The following KIRREL3 variants were observed in gnomAD, a reference collection of about 807,000 sequenced individuals.
The protein encoded by KIRREL3 is kin of IRRE-like protein 3.
A neutral mutation model predicts 89.7 loss-of-function variants in KIRREL3; 36 were observed. The ratio of observed to expected loss-of-function variants is 0.40; its 90% CI spans 0.31 to 0.53. The LOEUF is 0.53. KIRREL3 is among the 20% of genes least tolerant of loss of function. The probability of loss-of-function intolerance (pLI) is 0.49; values close to 1 mark genes in which losing one functional copy is unlikely to be tolerated. For synonymous variants in KIRREL3, 445 were observed against 441.4 expected (o/e 1.01, Z -0.10); for missense variants, 864 against 1,056.6 (o/e 0.82, Z 2.53).
Position 126,530,143 on chromosome 11 carries a change from T to A in KIRREL3, c.134-3456A>T, listed in dbSNP as rs1958898208. 6.6e-6 allele frequency among the ~76,000 whole-genome samples: 1 copy of A among 152,146 alleles called. No individual in the cohort carries two copies. The highest frequency in any genetic ancestry group is 1.5e-5 in the Non-Finnish European group (1 of 68,012). On this transcript the variant is annotated intron_variant, in intron 2 of 16. Transcript: ENST00000525144. This position sits in a 1 kb window ranked among gnomAD's most constrained non-coding sequence, Gnocchi z 5.8. Reference sequence around the variant, plus strand: ...CTCTGTCGCCCAGGCTGGAGTTCAGTGGGGCAATCTTGGCTCACTGCAACC... The same window carrying A: ...CTCTGTCGCCCAGGCTGGAGTTCAGAGGGGCAATCTTGGCTCACTGCAACC...
chr11:126,451,302 AT>A (rs1956126273), intron 7 of KIRREL3, among the ~76,000 whole-genome samples: 1 of 111,160 alleles, frequency 9.0e-6, no homozygotes, highest in African/African-American at 3.8e-5. Flanking sequence ...GCATGTGTGC[AT>A]GTGTGTGCAT....
At chr11:126,439,068 C>T (rs998239336) in intron 11 of KIRREL3, among the ~76,000 whole-genome samples, 1 of 152,198 alleles carries the variant, frequency 6.6e-6, no homozygotes, top group Non-Finnish European at 1.5e-5. Context: ...TGAGATCCCT[C>T]CAGTTTTAGA....
chr11:126,915,165 C>T (rs1362852300), intron 1 of KIRREL3, among the ~76,000 whole-genome samples: 3 of 152,158 alleles, frequency 2.0e-5, no homozygotes, highest in African/African-American at 7.2e-5. Context: ...GGAATCTTCC[C>T]TTCAGAATCT....
rs980522317 is a variant in KIRREL3 at position 126,498,421 on chromosome 11, C to G, written c.433+22894G>C. Among the ~76,000 whole-genome samples the G allele has an allele frequency of 2.6e-5, 4 of 152,178 alleles. No individual in the cohort carries two copies. Among genetic ancestry groups the G allele is most frequent in the African/African-American group, 9.7e-5 (4 of 41,442 alleles). ...ACCCTGCGATTGTGTTCCTAATCAG[C>G]CAGTGTATCAGGAAAGACCTGCTGC... is the stretch of plus-strand genomic sequence containing the variant. On this transcript the variant is annotated intron_variant, in intron 4 of 16. Coordinates refer to ENST00000525144, the MANE Select transcript of KIRREL3 (RefSeq NM_032531.4). The surrounding 1 kb of genome is among the most constrained non-coding windows in gnomAD (Gnocchi z 4.3).
At chr11:126,779,490 C>T (rs1950263191) in intron 1 of KIRREL3, among the ~76,000 whole-genome samples, 3 of 152,162 alleles carry the variant, frequency 2.0e-5, no homozygotes, top group Admixed American at 1.3e-4. Flanking sequence ...CAACACAATC[C>T]TTTTCTTCTA....
intron 1 of KIRREL3, among the ~76,000 whole-genome samples, chr11:126,871,139 A>T (rs918813830): frequency 6.6e-5 from 10 of 152,210 alleles, no homozygotes; most frequent in Admixed American, 4.6e-4. Context: ...ACAGCGGTGT[A>T]CTGCCACTCA....
intron 1 of KIRREL3, among the ~76,000 whole-genome samples, chr11:126,593,719 T>G (rs1005322009): frequency 4.6e-5 from 7 of 152,190 alleles, no homozygotes; most frequent in Non-Finnish European, 7.3e-5. Flanking sequence ...TGAGTGAACG[T>G]GCATATAAGC....
intron 1 of KIRREL3, among the ~76,000 whole-genome samples, chr11:126,865,855 G>A (rs1332572254): frequency 1.3e-5 from 2 of 152,098 alleles, no homozygotes; most frequent in African/African-American, 4.8e-5. Context: ...TTCAGAACAT[G>A]TTTTTTCTTT....
In KIRREL3 at chr11:126,508,817, C is replaced by G. The variant is rs1019589168; in HGVS notation, c.433+12498G>C. Among the ~76,000 whole-genome samples, 2 of 152,156 alleles carry G rather than the reference C, an allele frequency of 1.3e-5. No homozygotes were observed. The highest frequency in any genetic ancestry group is 4.8e-5 in the African/African-American group (2 of 41,434). On this transcript the variant is annotated intron_variant, in intron 4 of 16. Transcript: ENST00000525144. This position sits in a 1 kb window ranked among gnomAD's most constrained non-coding sequence, Gnocchi z 4.9. ...GGGACACGGGACCTGCCTGGCAGAG[C>G]TGGTCAGAGGGCAGATGAAGGCATG... is the stretch of plus-strand genomic sequence containing the variant.
intron 1 of KIRREL3, among the ~76,000 whole-genome samples, chr11:126,799,118 G>A (rs1950908651): frequency 6.8e-6 from 1 of 146,118 alleles, no homozygotes; most frequent in East Asian, 2.1e-4. Flanking sequence ...GTGTGTATCT[G>A]TGTGTGCGTG....
At chr11:126,448,329 C>T (rs976779846) in intron 8 of KIRREL3, among the ~76,000 whole-genome samples, 7 of 151,496 alleles carry the variant, frequency 4.6e-5, no homozygotes, top group East Asian at 1.9e-4. Context: ...AAGGTACGTC[C>T]GTGAGTCCCC....
chr11:126,639,974 C>T lies in KIRREL3; in HGVS notation c.56-77062G>A, dbSNP rs1944406759. On this transcript the variant is annotated intron_variant, in intron 1 of 16. Coordinates refer to ENST00000525144, the MANE Select transcript of KIRREL3 (RefSeq NM_032531.4). The surrounding 1 kb of genome is among the most constrained non-coding windows in gnomAD (Gnocchi z 4.3). ...TAACTTATGCTAAATTACAGTAAAG[C>T]ATCTATGGAGGAACTTGATGTGACA... Among the ~76,000 whole-genome samples, 1 of 152,130 alleles carries T rather than the reference C, an allele frequency of 6.6e-6. No individual in the cohort carries two copies. Among genetic ancestry groups the T allele is most frequent in the Non-Finnish European group, 1.5e-5 (1 of 68,022 alleles).
rs577251073 is a variant in KIRREL3, at chr11:126,883,883, T to C, written c.55+116572A>G. 1.3e-5 allele frequency among the ~76,000 whole-genome samples: 2 copies of C among 152,262 alleles called. No homozygotes were observed. Among genetic ancestry groups the C allele is most frequent in the East Asian group, 1.9e-4 (1 of 5,168 alleles). ...AAATTGGAATGGAGAGGTGGAGACA[T>C]AGGTTTTGAATCGATACAAAGAACT... On this transcript the variant is annotated intron_variant, in intron 1 of 16. Coordinates refer to ENST00000525144, the MANE Select transcript of KIRREL3 (RefSeq NM_032531.4). The surrounding 1 kb of genome is among the most constrained non-coding windows in gnomAD (Gnocchi z 4.1).
rs570584059 is a variant in KIRREL3 at position 126,723,033 on chromosome 11, C to G, written c.56-160121G>C. ...GGAATTGGCCTTTCTTCATCTATTC[C>G]TCTTACAGTCTTCTGTGGCTGCACA... is the stretch of plus-strand genomic sequence containing the variant. On this transcript the variant is annotated intron_variant, in intron 1 of 16. Coordinates refer to ENST00000525144, the MANE Select transcript of KIRREL3 (RefSeq NM_032531.4). The surrounding 1 kb of genome is among the most constrained non-coding windows in gnomAD (Gnocchi z 4.0). Among the ~76,000 whole-genome samples the G allele has an allele frequency of 4.6e-5, 7 of 152,118 alleles. No homozygotes were observed. The highest frequency in any genetic ancestry group is 1.7e-4 in the African/African-American group (7 of 41,418).
Position 126,424,177 on chromosome 11 carries a change from T to G in KIRREL3, c.*403A>C. ...ATGGGAGCACAGGCACAGGGGTAGGTAGAGCTTCTGGTCAGCGAGGGGTAG... is the reference window on the plus strand; with the variant it reads ...ATGGGAGCACAGGCACAGGGGTAGGGAGAGCTTCTGGTCAGCGAGGGGTAG... On this transcript the variant is annotated 3_prime_UTR_variant, in exon 17 of 17. Transcript: ENST00000525144. 1.2e-5 allele frequency: 3 copies of G among 257,124 alleles called. No individual in the cohort carries two copies. Among genetic ancestry groups the G allele is most frequent in the South Asian group, 5.6e-5 (1 of 17,934 alleles). 15.9% of individuals were successfully genotyped at this position (257,124 alleles called of 1,614,324 possible).
chr11:126,982,859 G>A (rs1361995013), intron 1 of KIRREL3, among the ~76,000 whole-genome samples: 1 of 152,204 alleles, frequency 6.6e-6, no homozygotes, highest in African/African-American at 2.4e-5. Context: ...AAGACAGGAG[G>A]AGGCCAAGGT....
At chr11:126,745,077 G>A (rs1949099871) in intron 1 of KIRREL3, among the ~76,000 whole-genome samples, 2 of 152,242 alleles carry the variant, frequency 1.3e-5, no homozygotes, top group East Asian at 1.9e-4. Flanking sequence ...TTCCACGCCA[G>A]GTATCACCTC....
At chr11:126,741,846 A>G (rs796911214) in intron 1 of KIRREL3, among the ~76,000 whole-genome samples, 3 of 152,342 alleles carry the variant, frequency 2.0e-5, no homozygotes, top group African/African-American at 4.8e-5. Context: ...ATGGCTCCCA[A>G]ATGAAGAAAC....
rs531040966 is a variant in KIRREL3, at chr11:126,856,350, AT to A, written c.55+144104del. On this transcript the variant is annotated intron_variant, in intron 1 of 16. Transcript: ENST00000525144. ...CAAGTGAAGACAAGATGGCCTTTAA[AT>A]TTTTTTTCTCACATTATTTAATTAA... Among the ~76,000 whole-genome samples, 239 of 152,028 alleles carry A rather than the reference AT, an allele frequency of 1.6e-3. 1 individual carries two copies. Among genetic ancestry groups the A allele is most frequent in the African/African-American group, 5.5e-3 (226 of 41,452 alleles).
Sources: gnomAD v4.1 joint callset for allele counts (sites outside exome capture counted in the v4.1 genomes callset) on GRCh38, gnomAD v4.1.1 for gene constraint, Gnocchi (gnomAD v3.1) non-coding constraint, MANE v1.5 for transcripts, NCBI Gene and HGNC (gene_info 2026-07-23, HGNC 2026-07-21) for gene names.